The following XYLT1 variants were observed in gnomAD, a reference collection of about 807,000 sequenced individuals.
The protein encoded by XYLT1 is xylosyltransferase 1, also known as beta-D-xylosyltransferase 1.
Under a neutral mutation model 91.3 loss-of-function variants are expected in XYLT1, and 36 were observed. The observed-to-expected ratio is 0.39, with a 90% CI of 0.30 to 0.52. The LOEUF is 0.52. Ranked by LOEUF, XYLT1 falls within the 20% of genes least tolerant of loss-of-function variation. The pLI, the probability that XYLT1 is intolerant of heterozygous loss-of-function variation, is 0.68. For synonymous variants in XYLT1, 588 were observed against 532.0 expected (o/e 1.11, Z -1.45); for missense variants, 1,242 against 1,284.5 (o/e 0.97, Z 0.51).
At chr16:17,204,353 C>T (rs2032600634) in intron 3 of XYLT1, among the ~76,000 whole-genome samples, 1 of 151,982 alleles carries the variant, frequency 6.6e-6, no homozygotes. Context: ...ATCACTCCAG[C>T]AAGAGAGCTC....
At chr16:17,184,250 G>A (rs1025320561) in intron 5 of XYLT1, among the ~76,000 whole-genome samples, 1 of 144,516 alleles carries the variant, frequency 6.9e-6, no homozygotes, top group African/African-American at 2.6e-5. Context: ...GAAGATGCCA[G>A]GGTTGGAAAC....
At chr16:17,404,213 G>A (rs555692896) in intron 1 of XYLT1, among the ~76,000 whole-genome samples, 3 of 152,310 alleles carry the variant, frequency 2.0e-5, no homozygotes, top group Non-Finnish European at 4.4e-5. Context: ...AGCGAGCTGA[G>A]CAGCCCCTGA....
rs182254738 is a variant in XYLT1 at position 17,246,123 on chromosome 16, A to G, written c.913+12865T>C. Among the ~76,000 whole-genome samples the G allele has an allele frequency of 7.9e-5, 12 of 152,358 alleles. No homozygotes were observed. The East Asian group carries it at 2.3e-3, about 29-fold the overall frequency. On this transcript the variant is annotated intron_variant, in intron 3 of 11. Coordinates refer to ENST00000261381, the MANE Select transcript of XYLT1 (RefSeq NM_022166.4). ...CACGCCACTGGAACCAAAGTCTCTGAGCTCAGAGCCTGGCTCTGCTACTGG... is the reference window on the plus strand; with the variant it reads ...CACGCCACTGGAACCAAAGTCTCTGGGCTCAGAGCCTGGCTCTGCTACTGG...
intron 2 of XYLT1, among the ~76,000 whole-genome samples, chr16:17,349,011 G>A (rs1222068183): frequency 6.6e-6 from 1 of 152,244 alleles, no homozygotes. Flanking sequence ...AGCACCACGG[G>A]CTTCTGCCTC....
chr16:17,437,270 G>A lies in XYLT1; in HGVS notation c.363+33164C>T, dbSNP rs117227449. 8.5e-3 allele frequency among the ~76,000 whole-genome samples: 1,295 copies of A among 152,228 alleles called. 9 individuals carry two copies. The highest frequency in any genetic ancestry group is 0.014 in the Non-Finnish European group (971 of 68,018). On this transcript the variant is annotated intron_variant, in intron 1 of 11. Coordinates refer to ENST00000261381, the MANE Select transcript of XYLT1 (RefSeq NM_022166.4). ...TCTCAGACATGAAGGCAAGAGATCC[G>A]GAACCATCTGGGCCCGTGTAGGGTA... is the stretch of plus-strand genomic sequence containing the variant.
intron 3 of XYLT1, among the ~76,000 whole-genome samples, chr16:17,248,578 C>G (rs1274175127): frequency 2.0e-5 from 3 of 152,094 alleles, no homozygotes; most frequent in Non-Finnish European, 4.4e-5. Context: ...TTTAAACTAT[C>G]AACACCTCTG....
rs865883174 is a variant in XYLT1, at chr16:17,234,141, C to T, written c.913+24847G>A. Among the ~76,000 whole-genome samples the T allele has an allele frequency of 7.9e-5, 12 of 152,122 alleles. No homozygotes were observed. The East Asian group carries it at 9.6e-4, about 12-fold the overall frequency. ...AACAGTGAGGCGGGTACTGCTGCCA[C>T]GCCCATTTTGCAGAGGAAAAACCTT... On this transcript the variant is annotated intron_variant, in intron 3 of 11. Coordinates refer to ENST00000261381, the MANE Select transcript of XYLT1 (RefSeq NM_022166.4).
chr16:17,372,402 C>T (rs1567397771), intron 1 of XYLT1, among the ~76,000 whole-genome samples: 1 of 152,214 alleles, frequency 6.6e-6, no homozygotes, highest in Non-Finnish European at 1.5e-5. Context: ...GTAAACTACT[C>T]ACATTCCAAC....
intron 2 of XYLT1, among the ~76,000 whole-genome samples, chr16:17,297,962 A>G (rs2034337583): frequency 6.6e-6 from 1 of 151,686 alleles, no homozygotes; most frequent in African/African-American, 2.4e-5. Context: ...TGGAGCTTGC[A>G]GTGAGCCGAG....
chr16:17,437,227 C>T (rs1007878152), intron 1 of XYLT1, among the ~76,000 whole-genome samples: 1 of 152,198 alleles, frequency 6.6e-6, no homozygotes, highest in African/African-American at 2.4e-5. Context: ...AAAAACGATG[C>T]TTGCCAAAAT....
chr16:17,385,110 G>T (rs528712581), intron 1 of XYLT1, among the ~76,000 whole-genome samples: 1 of 151,806 alleles, frequency 6.6e-6, no homozygotes, highest in African/African-American at 2.4e-5. Flanking sequence ...AGGAGATGAC[G>T]GAGCAGAGAG....
At chr16:17,367,887 C>G (rs551576817) in intron 1 of XYLT1, among the ~76,000 whole-genome samples, 1 of 152,326 alleles carries the variant, frequency 6.6e-6, no homozygotes, top group South Asian at 2.1e-4. Context: ...GGGCCACACA[C>G]AGTTTGGATT....
chr16:17,377,361 AC>A (rs895829133), intron 1 of XYLT1, among the ~76,000 whole-genome samples: 2 of 151,914 alleles, frequency 1.3e-5, no homozygotes, highest in African/African-American at 4.8e-5. Flanking sequence ...CCAGACACTA[AC>A]CCCCTGTCCT....
At chr16:17,470,299 G>T in intron 1 of XYLT1, 135 bp downstream of exon 1, 1 of 1,106,096 alleles carries the variant, frequency 9.0e-7, no homozygotes, top group Non-Finnish European at 1.1e-6. Flanking sequence ...GGCTTCCCGG[G>T]GCAAGAGGCG....
At chr16:17,267,750 T>C (rs2033828506) in intron 2 of XYLT1, among the ~76,000 whole-genome samples, 1 of 152,078 alleles carries the variant, frequency 6.6e-6, no homozygotes, top group Non-Finnish European at 1.5e-5. Flanking sequence ...TGAGGCACAG[T>C]GGGTTGAAAT....
Position 17,141,344 on chromosome 16 carries a change from G to T in XYLT1, c.1396C>A (p.Arg466=), listed in dbSNP as rs745712723. Residue 466 remains arginine, a synonymous_variant, in exon 7 of 12, where the codon CGG becomes AGG. Transcript: ENST00000261381. ...ARFIRKQGLD[R]LFLECDAHMW... ...TGAGCGTCGCACTCCAGGAAGAGCC[G>T]ATCCAGGCCCTGCTTCCGAATGAAC... The T allele has an allele frequency of 2.5e-6, 4 of 1,614,086 alleles. No individual in the cohort carries two copies. Among genetic ancestry groups the T allele is most frequent in the Non-Finnish European group, 3.4e-6 (4 of 1,180,006 alleles).
At chr16:17,435,159 G>A (rs550382129) in intron 1 of XYLT1, among the ~76,000 whole-genome samples, 1 of 152,352 alleles carries the variant, frequency 6.6e-6, no homozygotes, top group Admixed American at 6.5e-5. Context: ...ATATGCAAGA[G>A]TCAGGGGTTA....
intron 2 of XYLT1, among the ~76,000 whole-genome samples, chr16:17,290,414 A>T (rs1282045474): frequency 6.6e-6 from 1 of 152,248 alleles, no homozygotes; most frequent in Non-Finnish European, 1.5e-5. Context: ...GGGACCTGGC[A>T]TGGATGAAGC....
At chr16:17,167,309 C>G (rs1421169031) in intron 5 of XYLT1, among the ~76,000 whole-genome samples, 3 of 152,262 alleles carry the variant, frequency 2.0e-5, no homozygotes, top group African/African-American at 7.2e-5. Context: ...GCGAGTCGCA[C>G]AACAGGAATT....
Sources: gnomAD v4.1 joint callset for allele counts (sites outside exome capture counted in the v4.1 genomes callset) on GRCh38, gnomAD v4.1.1 for gene constraint, MANE v1.5 for transcripts, NCBI Gene and HGNC (gene_info 2026-07-23, HGNC 2026-07-21) for gene names.